The following ZCCHC14 variants were observed in gnomAD, a reference collection of about 807,000 sequenced individuals.
The protein encoded by ZCCHC14 is zinc finger CCHC domain-containing protein 14.
ZCCHC14 carries 16 observed loss-of-function variants against 85.0 expected under a neutral mutation model. The ratio of observed to expected loss-of-function variants is 0.19; its 90% confidence interval spans 0.13 to 0.29. ZCCHC14 has a LOEUF of 0.29. ZCCHC14 is among the 10% of genes least tolerant of loss of function. The pLI is 1.00. For missense variants in ZCCHC14, 1,303 were observed against 1,443.5 expected (o/e 0.90, Z 1.58); for synonymous variants, 775 against 630.7 (o/e 1.23, Z -3.43).
intron 1 of ZCCHC14, chr16:87,467,042 ATTGTT>A: frequency 5.1e-6 from 2 of 389,258 alleles, no homozygotes; most frequent in East Asian, 4.9e-5. Flanking sequence ...AAAAAAAAAA[ATTGTT>A]TTTTTTTTTT....
intron 4 of ZCCHC14, among the ~76,000 whole-genome samples, chr16:87,422,717 C>A (rs1380963715): frequency 6.6e-6 from 1 of 151,318 alleles, no homozygotes; most frequent in East Asian, 1.9e-4. Flanking sequence ...GTCTGGACAA[C>A]AGAGTGAGAC....
intron 2 of ZCCHC14, among the ~76,000 whole-genome samples, chr16:87,450,709 G>A (rs926348865): frequency 1.3e-5 from 2 of 151,508 alleles, no homozygotes; most frequent in Admixed American, 6.6e-5. Context: ...TGAGTAGCTG[G>A]GATTATAGGC....
At chr16:87,463,953 G>A (rs566235398) in intron 1 of ZCCHC14, among the ~76,000 whole-genome samples, 2 of 152,186 alleles carry the variant, frequency 1.3e-5, no homozygotes, top group African/African-American at 2.4e-5. Flanking sequence ...CTGAGTAACT[G>A]GGACCACAGG....
At chr16:87,457,127 G>C (rs971891913) in intron 2 of ZCCHC14, among the ~76,000 whole-genome samples, 2 of 152,218 alleles carry the variant, frequency 1.3e-5, no homozygotes, top group South Asian at 2.1e-4. Context: ...GCCACACACA[G>C]TGACCTGGAG....
At chr16:87,465,744 A>C (rs1911490105) in intron 1 of ZCCHC14, among the ~76,000 whole-genome samples, 1 of 152,198 alleles carries the variant, frequency 6.6e-6, no homozygotes, top group Non-Finnish European at 1.5e-5. Flanking sequence ...CAGCTCCCAC[A>C]TGATAATGCT....
chr16:87,464,431 C>T (rs1172137574), intron 1 of ZCCHC14, among the ~76,000 whole-genome samples: 1 of 152,134 alleles, frequency 6.6e-6, no homozygotes, highest in Non-Finnish European at 1.5e-5. Context: ...TATACTGCAC[C>T]CATCATCCGG....
chr16:87,460,692 AG>A (rs1911216184), intron 1 of ZCCHC14, among the ~76,000 whole-genome samples: 1 of 152,180 alleles, frequency 6.6e-6, no homozygotes, highest in Non-Finnish European at 1.5e-5. Context: ...TCTATCTCCA[AG>A]AAAAAAAAAA....
At chr16:87,481,306 C>T (rs144870774) in intron 1 of ZCCHC14, among the ~76,000 whole-genome samples, 7 of 152,032 alleles carry the variant, frequency 4.6e-5, no homozygotes, top group African/African-American at 1.7e-4. Flanking sequence ...GAAGTTGTTT[C>T]TTGCAGACTT....
At chr16:87,467,324 G>A (rs565441946) in intron 1 of ZCCHC14, 14 of 1,587,452 alleles carry the variant, frequency 8.8e-6, no homozygotes, top group African/African-American at 4.1e-5. Context: ...TGCCCCAAGC[G>A]AAAACAGAAA....
intron 2 of ZCCHC14, among the ~76,000 whole-genome samples, chr16:87,436,059 A>G (rs932759863): frequency 3.9e-5 from 6 of 152,224 alleles, no homozygotes; most frequent in Non-Finnish European, 7.3e-5. Flanking sequence ...TGTAGTCAGC[A>G]TTCTCCCTGG....
intron 2 of ZCCHC14, among the ~76,000 whole-genome samples, chr16:87,443,602 T>C (rs12927857): frequency 5.3e-5 from 8 of 151,966 alleles, no homozygotes; most frequent in African/African-American, 7.3e-5. Flanking sequence ...CTGGGTGTGG[T>C]GGTACACACC....
chr16:87,436,334 C>T lies in ZCCHC14; in HGVS notation c.695-3133G>A, dbSNP rs551522528. Reference sequence around the variant, plus strand: ...GGGCAGTGGCGGCCCCCCGCCAGGGCACCTCCGGGCCCAGGAGCGACGCAG... The same window carrying T: ...GGGCAGTGGCGGCCCCCCGCCAGGGTACCTCCGGGCCCAGGAGCGACGCAG... On this transcript the variant is annotated intron_variant, in intron 2 of 12. Transcript: ENST00000671377. Among the ~76,000 whole-genome samples, 12 of 152,388 alleles carry T rather than the reference C, an allele frequency of 7.9e-5. No individual in the cohort carries two copies. The South Asian group carries it at 2.5e-3, about 32-fold the overall frequency.
intron 3 of ZCCHC14, among the ~76,000 whole-genome samples, chr16:87,432,111 C>T (rs1255252638): frequency 2.0e-5 from 3 of 152,202 alleles, no homozygotes; most frequent in Non-Finnish European, 4.4e-5. Flanking sequence ...TAGTAAGCTG[C>T]ACAGATGAGT....
chr16:87,449,826 C>T (rs777430592), intron 2 of ZCCHC14, among the ~76,000 whole-genome samples: 21 of 152,176 alleles, frequency 1.4e-4, no homozygotes, highest in Non-Finnish European at 2.4e-4. Context: ...GGGTGGATGG[C>T]TTGAGCCCAG....
intron 1 of ZCCHC14, among the ~76,000 whole-genome samples, chr16:87,485,607 A>AAG (rs1555526125): frequency 7.0e-6 from 1 of 143,882 alleles, no homozygotes; most frequent in African/African-American, 2.7e-5. Flanking sequence ...AAAAAAAAAA[A>AAG]GAAGAAGAAT....
intron 2 of ZCCHC14, among the ~76,000 whole-genome samples, chr16:87,451,453 C>A (rs1910698062): frequency 6.6e-6 from 1 of 152,164 alleles, no homozygotes; most frequent in Non-Finnish European, 1.5e-5. Flanking sequence ...CCAACTCAGC[C>A]TCCCAAAGTG....
At chr16:87,456,750 G>A (rs1008198271) in intron 2 of ZCCHC14, among the ~76,000 whole-genome samples, 10 of 152,042 alleles carry the variant, frequency 6.6e-5, no homozygotes, top group African/African-American at 2.4e-4. Flanking sequence ...AGTTTTAATC[G>A]ATAATATGGT....
chr16:87,412,541 AAGGAGACTG>A lies in ZCCHC14; in HGVS notation c.2171_2179del (p.Thr724_Phe727delinsIle). 6.2e-7 allele frequency: 1 copy of A among 1,614,058 alleles called. No individual in the cohort carries two copies. The highest frequency in any genetic ancestry group is 8.5e-7 in the Non-Finnish European group (1 of 1,180,004). ...ATGCACGACTTTGGTCCGGGGACCAAAGGAGACTGTGGGTGACATGGAGCTGCTCTCCGA... is the reference window on the plus strand; with the variant it reads ...ATGCACGACTTTGGTCCGGGGACCAATGGGTGACATGGAGCTGCTCTCCGA... On this transcript the variant is annotated inframe_deletion, in exon 12 of 13. Coordinates refer to ENST00000671377, the MANE Select transcript of ZCCHC14 (RefSeq NM_015144.3).
At chr16:87,425,151 G>A (rs191524646) in intron 3 of ZCCHC14, among the ~76,000 whole-genome samples, 3 of 152,176 alleles carry the variant, frequency 2.0e-5, no homozygotes, top group East Asian at 1.9e-4. Flanking sequence ...CAGGCCAGTC[G>A]AGGAAAGGGC....
Sources: allele counts gnomAD v4.1 joint callset (sites outside exome capture counted in the v4.1 genomes callset), GRCh38; gene constraint gnomAD v4.1.1; transcripts MANE v1.5; gene names NCBI Gene and HGNC (gene_info 2026-07-23, HGNC 2026-07-21).